Variants in BAZ2B observed in about 807,000 individuals in gnomAD.
BAZ2B encodes bromodomain adjacent to zinc finger domain 2B.
BAZ2B carries 91 observed loss-of-function variants against 246.0 expected under a neutral mutation model. The ratio of observed to expected loss-of-function variants is 0.37; its 90% CI spans 0.31 to 0.44. The LOEUF is 0.44. Ranked by LOEUF, BAZ2B falls within the 20% of genes least tolerant of loss-of-function variation. The pLI, the probability that BAZ2B is intolerant of heterozygous loss-of-function variation, is 1.00. For synonymous variants in BAZ2B, 855 were observed against 860.0 expected (o/e 0.99, Z 0.10); for missense variants, 2,332 against 2,533.7 (o/e 0.92, Z 1.71).
At chr2:159,655,698 G>C in the BAZ2B span, among the ~76,000 whole-genome samples, 1 of 152,204 alleles carries the variant, frequency 6.6e-6, no homozygotes, top group East Asian at 1.9e-4. Flanking sequence ...AATTTTTAAT[G>C]ATCTTCAAGT....
At chr2:159,671,913 G>A in the BAZ2B span, among the ~76,000 whole-genome samples, 4 of 152,092 alleles carry the variant, frequency 2.6e-5, no homozygotes, top group Admixed American at 2.0e-4. Flanking sequence ...CTTGGGAGCC[G>A]CTGAAGAATA....
At chr2:159,452,425 T>C (rs775932648) in intron 4 of BAZ2B, among the ~76,000 whole-genome samples, 2 of 152,224 alleles carry the variant, frequency 1.3e-5, no homozygotes, top group Non-Finnish European at 2.9e-5. Flanking sequence ...GATACTATTA[T>C]TATGATTCTC....
intron 34 of BAZ2B, among the ~76,000 whole-genome samples, chr2:159,332,183 T>C (rs1206964543): frequency 2.0e-5 from 3 of 152,102 alleles, no homozygotes; most frequent in African/African-American, 7.2e-5. Flanking sequence ...TGCATTTTGA[T>C]CTAGTAATTA....
the BAZ2B span, among the ~76,000 whole-genome samples, chr2:159,639,690 G>A: frequency 6.6e-6 from 1 of 151,648 alleles, no homozygotes; most frequent in African/African-American, 2.4e-5. Flanking sequence ...AACATACAAT[G>A]GATGCACAAA....
intron 1 of BAZ2B, among the ~76,000 whole-genome samples, chr2:159,580,547 C>G (rs111565264): frequency 0.92 from 140,502 of 152,184 alleles, 65,357 homozygotes; most frequent in East Asian, 1. Context: ...ACTTTCTTCA[C>G]AGAACTGGAA....
chr2:159,440,514 C>CTGTTTTTTTTTTTTTTT (rs1234904617), intron 6 of BAZ2B, among the ~76,000 whole-genome samples: 1 of 61,416 alleles, frequency 1.6e-5, no homozygotes. Context: ...TGCAATGACT[C>CTGTTTTTTTTTTTTTTT]TTGTTTTTTT....
chr2:159,522,445 A>G (rs963499070), intron 2 of BAZ2B, among the ~76,000 whole-genome samples: 84 of 152,346 alleles, frequency 5.5e-4, no homozygotes, highest in African/African-American at 1.9e-3. Flanking sequence ...CAACAACAAC[A>G]AAAAGCAGTA....
rs751149919 is a variant in BAZ2B at position 159,453,598 on chromosome 2, G to A, written c.334+15C>T. ...TTCCTCCTTCCCTTGAACACTGTTTGTAACAGATGTTTACCTGGAAAAGAT... is the reference window on the plus strand; with the variant it reads ...TTCCTCCTTCCCTTGAACACTGTTTATAACAGATGTTTACCTGGAAAAGAT... On this transcript the variant is annotated intron_variant, in intron 4 of 36. Coordinates refer to ENST00000392783, the MANE Select transcript of BAZ2B (RefSeq NM_013450.4). 2 of 1,581,664 alleles carry A rather than the reference G, an allele frequency of 1.3e-6. No individual in the cohort carries two copies. The highest frequency in any genetic ancestry group is 2.4e-5 in the South Asian group (2 of 84,742).
At chr2:159,680,670 C>T in the BAZ2B span, among the ~76,000 whole-genome samples, 2 of 152,156 alleles carry the variant, frequency 1.3e-5, no homozygotes, top group African/African-American at 4.8e-5. Context: ...GGATCAGAGA[C>T]AGGCTCACTA....
At position 159,451,175 on chromosome 2, in the gene BAZ2B, A is replaced by G. The variant is rs141230864; in HGVS notation, c.334+2438T>C. ...TCGCAAAAATTCATGGTAATTTAATATGAAAATTAACTACAAAAAAGTACA... is the reference window on the plus strand; with the variant it reads ...TCGCAAAAATTCATGGTAATTTAATGTGAAAATTAACTACAAAAAAGTACA... On this transcript the variant is annotated intron_variant, in intron 4 of 36. Transcript: ENST00000392783. Among the ~76,000 whole-genome samples the G allele has an allele frequency of 2.2e-3, 342 of 152,332 alleles. 1 individual carries two copies. Among genetic ancestry groups the G allele is most frequent in the African/African-American group, 7.2e-3 (300 of 41,582 alleles).
intron 7 of BAZ2B, 136 bp from the exon 8 acceptor site, chr2:159,438,831 T>G: frequency 1.6e-6 from 2 of 1,281,648 alleles, no homozygotes; most frequent in Non-Finnish European, 2.1e-6. Flanking sequence ...AATCTAAAAA[T>G]TCGTAAAAGA....
chr2:159,395,371 A>T (rs2063872973), intron 20 of BAZ2B: 1 of 153,560 alleles, frequency 6.5e-6, no homozygotes, highest in African/African-American at 2.4e-5. Flanking sequence ...AATTTTACAT[A>T]GAGAATGCTA....
chr2:159,431,068 A>C lies in BAZ2B; in HGVS notation c.1989T>G (p.Thr663=). Residue 663 remains threonine, a synonymous_variant, in exon 10 of 37, where the codon ACT becomes ACG. Coordinates refer to ENST00000392783, the MANE Select transcript of BAZ2B (RefSeq NM_013450.4). ...GTTTCATTGAAGTTTTCTCTCCTTCAGTATCACTATCTGATTCATCTTGGT... is the reference window on the plus strand; with the variant it reads ...GTTTCATTGAAGTTTTCTCTCCTTCCGTATCACTATCTGATTCATCTTGGT... The part of the protein sequence containing the change: ...DKDQDESDSD[T]EGEKTSMKLN... 6.2e-7 allele frequency: 1 copy of C among 1,614,056 alleles called. No individual in the cohort carries two copies. Among genetic ancestry groups the C allele is most frequent in the Non-Finnish European group, 8.5e-7 (1 of 1,179,934 alleles).
intron 34 of BAZ2B, among the ~76,000 whole-genome samples, chr2:159,326,727 T>C (rs1056275023): frequency 2.0e-5 from 3 of 152,104 alleles, no homozygotes; most frequent in African/African-American, 7.2e-5. Flanking sequence ...TAGAATTACA[T>C]GCAAAAAAGA....
chr2:159,590,187 C>CAAAAA (rs552786270), intron 1 of BAZ2B, among the ~76,000 whole-genome samples: 2 of 20,330 alleles, frequency 9.8e-5, no homozygotes, highest in Admixed American at 9.2e-4. Context: ...GACTCCATCT[C>CAAAAA]AAAAAAAAAA....
At chr2:159,706,100 A>C in the BAZ2B span, among the ~76,000 whole-genome samples, 5 of 44,846 alleles carry the variant, frequency 1.1e-4, no homozygotes, top group East Asian at 1.5e-3. Context: ...CACACACACA[A>C]ACACACACAC....
At chr2:159,526,767 G>T (rs1311659200) in intron 2 of BAZ2B, among the ~76,000 whole-genome samples, 3 of 152,210 alleles carry the variant, frequency 2.0e-5, no homozygotes, top group African/African-American at 7.2e-5. Flanking sequence ...AAAAAAGCAT[G>T]AAGTTTTAGG....
chr2:159,551,830 TGATGAGTATGATGAGG>T (rs2088295665), intron 2 of BAZ2B, among the ~76,000 whole-genome samples: 3 of 152,196 alleles, frequency 2.0e-5, no homozygotes, highest in Non-Finnish European at 4.4e-5. Flanking sequence ...TTACAGATAT[TGATGAGTATGATGAGG>T]GTAAGAAAAG....
In BAZ2B at chr2:159,337,068, C is replaced by T. The variant is rs1284324427; in HGVS notation, c.5670G>A (p.Glu1890=). 6.2e-7 allele frequency: 1 copy of T among 1,611,812 alleles called. No individual in the cohort carries two copies. Among genetic ancestry groups the T allele is most frequent in the East Asian group, 2.2e-5 (1 of 44,872 alleles). The part of the protein sequence containing the change: ...LERNIERRIE[E]DIAPGLRVWR... ...ATACCCTGAGCCCTGGAGCAATATC[C>T]TCTTCAATTCTGCATTGAAATATAG... is the stretch of plus-strand genomic sequence containing the variant. Residue 1890 remains glutamate, a synonymous_variant, in exon 33 of 37, where the codon GAG becomes GAA. Coordinates refer to ENST00000392783, the MANE Select transcript of BAZ2B (RefSeq NM_013450.4).
Sources: allele counts gnomAD v4.1 joint callset (sites outside exome capture counted in the v4.1 genomes callset), GRCh38; gene constraint gnomAD v4.1.1; transcripts MANE v1.5; gene names NCBI Gene and HGNC (gene_info 2026-07-23, HGNC 2026-07-21).